RAB2A: variants seen among roughly 807,000 people sequenced by gnomAD.
RAB2A encodes ras-related protein Rab-2A.
In RAB2A, 7 loss-of-function variants were observed where a neutral mutation model predicts 32.5. The observed-to-expected ratio is 0.22, with a 90% confidence interval of 0.12 to 0.40. The LOEUF is 0.40. Among genes scored for constraint, RAB2A ranks in the 10% least tolerant of loss-of-function variants. RAB2A has a pLI of 1.00. For missense variants in RAB2A, 108 were observed against 260.7 expected (o/e 0.41, Z 4.03); for synonymous variants, 79 against 85.2 (o/e 0.93, Z 0.40).
intron 3 of RAB2A, among the ~76,000 whole-genome samples, chr8:60,577,327 C>T (rs946232781): frequency 5.3e-5 from 8 of 152,090 alleles, no homozygotes; most frequent in Non-Finnish European, 1.2e-4. Flanking sequence ...GGGATTACAG[C>T]GTGAGCCACT....
At position 60,517,044 on chromosome 8, in the gene RAB2A, G is replaced by T. The variant is rs1807215383; in HGVS notation, c.-164G>T. 3.3e-6 allele frequency: 2 copies of T among 606,140 alleles called. No homozygotes were observed. The highest frequency in any genetic ancestry group is 2.0e-5 in the African/African-American group (1 of 50,898). The allele number at this position is 606,140 out of a possible 1,614,324, so 37.5% of individuals were successfully genotyped here. A position where few individuals can be genotyped will look rare whatever the true frequency, so the allele number is the denominator to read the frequency against. ...CCCTCGGCTCTGCGGGTGTCAGTTCGTCCGGCTTCCTCACAGCCCCTCACT... is the reference window on the plus strand; with the variant it reads ...CCCTCGGCTCTGCGGGTGTCAGTTCTTCCGGCTTCCTCACAGCCCCTCACT... On this transcript the variant is annotated 5_prime_UTR_variant, in exon 1 of 8. Coordinates refer to ENST00000262646, the MANE Select transcript of RAB2A (RefSeq NM_002865.3).
At chr8:60,522,069 A>G (rs1419383969) in intron 1 of RAB2A, among the ~76,000 whole-genome samples, 1 of 152,210 alleles carries the variant, frequency 6.6e-6, no homozygotes, top group East Asian at 1.9e-4. Context: ...GCTTGGATGT[A>G]ATGGTGGGAA....
chr8:60,539,836 G>A (rs1258190939), intron 1 of RAB2A, among the ~76,000 whole-genome samples: 1 of 152,030 alleles, frequency 6.6e-6, no homozygotes, highest in Non-Finnish European at 1.5e-5. Context: ...ATAAAAATAG[G>A]AGTAAACAGG....
At chr8:60,548,470 AG>A in intron 1 of RAB2A, among the ~76,000 whole-genome samples, 1 of 46,154 alleles carries the variant, frequency 2.2e-5, no homozygotes, top group Admixed American at 1.7e-4. Context: ...GGCCGGGCAG[AG>A]GCGCCCCTCA....
intron 1 of RAB2A, 124 bp from the exon 2 acceptor site, chr8:60,558,728 G>T: frequency 1.3e-6 from 1 of 787,856 alleles, no homozygotes. Flanking sequence ...AGAGTACTGA[G>T]GAAATCATGG....
At chr8:60,525,353 G>T (rs941621955) in intron 1 of RAB2A, among the ~76,000 whole-genome samples, 1 of 152,096 alleles carries the variant, frequency 6.6e-6, no homozygotes, top group Non-Finnish European at 1.5e-5. Context: ...TTCCCCTTCT[G>T]CCATGATTAT....
chr8:60,600,225 T>C (rs1013606760), intron 6 of RAB2A, among the ~76,000 whole-genome samples: 7 of 152,164 alleles, frequency 4.6e-5, no homozygotes, highest in African/African-American at 1.7e-4. Context: ...AAGCCAGGCC[T>C]GGTTGGTGTA....
intron 1 of RAB2A, chr8:60,552,008 T>TGTTTGTTTG (rs749083233): frequency 0.13 from 17,978 of 143,066 alleles, 1,567 homozygotes; most frequent in Middle Eastern, 0.21. Flanking sequence ...GGAGTTTTTT[T>TGTTTGTTTG]TTTTTTTTTT....
intron 1 of RAB2A, among the ~76,000 whole-genome samples, chr8:60,557,967 A>C (rs1305021863): frequency 1.3e-5 from 2 of 152,152 alleles, no homozygotes; most frequent in African/African-American, 2.4e-5. Flanking sequence ...CAGTTTGTTT[A>C]ATTTCTCTAC....
intron 1 of RAB2A, among the ~76,000 whole-genome samples, chr8:60,535,188 T>C (rs1807539387): frequency 6.6e-6 from 1 of 152,226 alleles, no homozygotes; most frequent in African/African-American, 2.4e-5. Context: ...TCTTATCAGA[T>C]TGACATTTAA....
At chr8:60,614,568 G>T (rs1185130134) in intron 6 of RAB2A, among the ~76,000 whole-genome samples, 2 of 152,156 alleles carry the variant, frequency 1.3e-5, no homozygotes, top group Non-Finnish European at 2.9e-5. Context: ...TTTAACAGGT[G>T]CCCTTGGGTA....
At chr8:60,610,694 G>A (rs1300814751) in intron 6 of RAB2A, among the ~76,000 whole-genome samples, 3 of 152,042 alleles carry the variant, frequency 2.0e-5, no homozygotes, top group Non-Finnish European at 2.9e-5. Flanking sequence ...ATCATCCCCG[G>A]AACTTCATAG....
In RAB2A at chr8:60,524,367, G is replaced by A. The variant is rs145339549; in HGVS notation, c.46+7114G>A. ...TTTTCCCTTTCCTTCTGGCCCAGCTGTGCTTACTTCATTTGTTATTCTCTG... is the reference window on the plus strand; with the variant it reads ...TTTTCCCTTTCCTTCTGGCCCAGCTATGCTTACTTCATTTGTTATTCTCTG... On this transcript the variant is annotated intron_variant, in intron 1 of 7. Coordinates refer to ENST00000262646, the MANE Select transcript of RAB2A (RefSeq NM_002865.3). Among the ~76,000 whole-genome samples, 43 of 146,354 alleles carry A rather than the reference G, an allele frequency of 2.9e-4. No individual in the cohort carries two copies. The East Asian group carries it at 4.4e-3, about 15-fold the overall frequency.
intron 3 of RAB2A, among the ~76,000 whole-genome samples, chr8:60,579,714 T>G (rs1364918558): frequency 1.3e-5 from 2 of 151,338 alleles, no homozygotes; most frequent in Admixed American, 1.3e-4. Context: ...TGCAAGCTCC[T>G]CCTCCCAGGT....
In RAB2A at chr8:60,620,591, A is replaced by G. The variant is rs561051440; in HGVS notation, c.544-83A>G. 7.0e-6 allele frequency: 7 copies of G among 1,005,976 alleles called. No individual in the cohort carries two copies. The African/African-American group carries it at 8.0e-5, about 12-fold the overall frequency. The allele number at this position is 1,005,976 out of a possible 1,614,324, so 62.3% of individuals were successfully genotyped here. ...CTCAGTTGTTTGATAAAATTGTATC[A>G]TAAAGAATTAAATGAGTTTTTTAAG... On this transcript the variant is annotated intron_variant, in intron 7 of 7. Coordinates refer to ENST00000262646, the MANE Select transcript of RAB2A (RefSeq NM_002865.3).
intron 6 of RAB2A, among the ~76,000 whole-genome samples, chr8:60,613,027 T>C (rs532744973): frequency 1.3e-5 from 2 of 152,338 alleles, no homozygotes; most frequent in East Asian, 1.9e-4. Context: ...CTCCCTAATA[T>C]GAAATTCTAG....
chr8:60,600,766 C>T (rs1156646999), intron 6 of RAB2A, among the ~76,000 whole-genome samples: 1 of 152,320 alleles, frequency 6.6e-6, no homozygotes, highest in South Asian at 2.1e-4. Flanking sequence ...TACTATACAG[C>T]AATCTGGATA....
chr8:60,565,656 T>A (rs1014514267), intron 2 of RAB2A, among the ~76,000 whole-genome samples: 4 of 145,622 alleles, frequency 2.7e-5, no homozygotes, highest in Non-Finnish European at 6.0e-5. Flanking sequence ...CATTAAGCTC[T>A]GAAAAAGTCT....
intron 1 of RAB2A, among the ~76,000 whole-genome samples, chr8:60,540,521 T>C (rs1807624300): frequency 6.6e-6 from 1 of 152,170 alleles, no homozygotes; most frequent in Non-Finnish European, 1.5e-5. Context: ...TCTCCGTCGC[T>C]CAGGCTGAAG....
Sources: allele counts gnomAD v4.1 joint callset (sites outside exome capture counted in the v4.1 genomes callset), GRCh38; gene constraint gnomAD v4.1.1; transcripts MANE v1.5; gene names NCBI Gene and HGNC (gene_info 2026-07-23, HGNC 2026-07-21).